PDIA5: variants seen among roughly 807,000 people sequenced by gnomAD.
PDIA5 encodes the protein protein disulfide-isomerase A5.
PDIA5 carries 58 observed loss-of-function variants against 77.6 expected under a neutral mutation model. The ratio of observed to expected loss-of-function variants is 0.75; its 90% CI spans 0.61 to 0.93. PDIA5 has a LOEUF of 0.93. PDIA5 is among the 40% of genes least tolerant of loss of function. The pLI is 0.00. For synonymous variants in PDIA5, 250 were observed against 252.1 expected (o/e 0.99, Z 0.08); for missense variants, 630 against 647.7 (o/e 0.97, Z 0.30).
chr3:123,127,137 T>G (rs1246528523), intron 10 of PDIA5, among the ~76,000 whole-genome samples: 1 of 152,208 alleles, frequency 6.6e-6, no homozygotes, highest in African/African-American at 2.4e-5. Context: ...TGCTTAGAGT[T>G]GCATCTTCTC....
intron 15 of PDIA5, among the ~76,000 whole-genome samples, chr3:123,160,790 T>C (rs1936141331): frequency 6.6e-6 from 1 of 152,186 alleles, no homozygotes; most frequent in Admixed American, 6.5e-5. Context: ...CTAGATACTA[T>C]TATTATCCCC....
intron 1 of PDIA5, among the ~76,000 whole-genome samples, chr3:123,082,626 C>A (rs11916392): frequency 6.6e-6 from 1 of 151,924 alleles, no homozygotes; most frequent in African/African-American, 2.4e-5. Flanking sequence ...CAGGCAGGGC[C>A]CCTGGAGAGG....
chr3:123,072,912 CTG>C (rs66567660), intron 1 of PDIA5, among the ~76,000 whole-genome samples: 52,821 of 146,662 alleles, frequency 0.36, 9,315 homozygotes, highest in South Asian at 0.52. Flanking sequence ...ACCTCTCCTT[CTG>C]TGTGTGTGTG....
At chr3:123,119,729 A>C (rs968625846) in intron 8 of PDIA5, among the ~76,000 whole-genome samples, 1 of 152,192 alleles carries the variant, frequency 6.6e-6, no homozygotes, top group Non-Finnish European at 1.5e-5. Flanking sequence ...ATGGGCTGCT[A>C]TTCCCCAGAA....
chr3:123,107,267 T>A (rs141898020), intron 6 of PDIA5, among the ~76,000 whole-genome samples: 93 of 152,230 alleles, frequency 6.1e-4, no homozygotes, highest in Non-Finnish European at 1.1e-3. Flanking sequence ...ATCTCTACAA[T>A]TCTGGGTCAT....
chr3:123,094,838 T>G (rs547241878), intron 3 of PDIA5, among the ~76,000 whole-genome samples: 25 of 152,300 alleles, frequency 1.6e-4, no homozygotes, highest in Non-Finnish European at 3.1e-4. Flanking sequence ...CAGCTCTACT[T>G]CCTTCCCTGC....
At chr3:123,079,621 T>G (rs929949678) in intron 1 of PDIA5, among the ~76,000 whole-genome samples, 2 of 152,200 alleles carry the variant, frequency 1.3e-5, no homozygotes, top group African/African-American at 4.8e-5. Flanking sequence ...CTCTTATGGT[T>G]AGAATGGTTG....
intron 5 of PDIA5, among the ~76,000 whole-genome samples, chr3:123,103,427 C>T (rs558844464): frequency 2.4e-4 from 36 of 152,318 alleles, no homozygotes; most frequent in Middle Eastern, 3.4e-3. Context: ...TTTTCTGGTC[C>T]TGCGCTGGCT....
chr3:123,104,224 G>A (rs1447097570), intron 5 of PDIA5, among the ~76,000 whole-genome samples: 1 of 152,168 alleles, frequency 6.6e-6, no homozygotes, highest in Non-Finnish European at 1.5e-5. Context: ...TACGGGGCCA[G>A]AGTCTTCAGT....
At chr3:123,086,084 G>A (rs1014196978) in intron 1 of PDIA5, among the ~76,000 whole-genome samples, 4 of 152,166 alleles carry the variant, frequency 2.6e-5, no homozygotes, top group African/African-American at 9.7e-5. Flanking sequence ...CTTCCTCCTG[G>A]ATGGGTTTAC....
chr3:123,126,534 C>A (rs771341914), intron 10 of PDIA5, among the ~76,000 whole-genome samples: 2 of 152,178 alleles, frequency 1.3e-5, no homozygotes, highest in African/African-American at 2.4e-5. Context: ...CACCCTATTA[C>A]CCAAAGATAG....
intron 11 of PDIA5, among the ~76,000 whole-genome samples, chr3:123,139,892 T>G: frequency 6.6e-6 from 1 of 152,198 alleles, no homozygotes; most frequent in East Asian, 1.9e-4. Flanking sequence ...AGCCCCTGCC[T>G]GCACATACAG....
chr3:123,125,217 T>C (rs181497133), intron 10 of PDIA5, among the ~76,000 whole-genome samples: 90 of 152,348 alleles, frequency 5.9e-4, no homozygotes, highest in African/African-American at 2.0e-3. Context: ...CACTGCTGCT[T>C]CATGAGTATT....
chr3:123,108,363 C>T (rs1292981577), intron 6 of PDIA5, among the ~76,000 whole-genome samples: 1 of 150,578 alleles, frequency 6.6e-6, no homozygotes, highest in East Asian at 2.0e-4. Context: ...TCACTGCAGC[C>T]TCTGCCTCTG....
At chr3:123,160,362 G>A (rs1394827396) in intron 15 of PDIA5, among the ~76,000 whole-genome samples, 1 of 152,238 alleles carries the variant, frequency 6.6e-6, no homozygotes, top group Non-Finnish European at 1.5e-5. Flanking sequence ...TACCCAGCAT[G>A]TGGAATTTGC....
chr3:123,068,105 G>A (rs1030787346), intron 1 of PDIA5, among the ~76,000 whole-genome samples: 2 of 152,066 alleles, frequency 1.3e-5, no homozygotes, highest in African/African-American at 4.8e-5. Context: ...GAGATATTGT[G>A]GCCTCCTTCC....
intron 1 of PDIA5, among the ~76,000 whole-genome samples, chr3:123,083,414 C>T (rs1396545086): frequency 6.6e-6 from 1 of 152,156 alleles, no homozygotes; most frequent in East Asian, 1.9e-4. Flanking sequence ...TGGGTCTCAG[C>T]CCAGCCAGCG....
chr3:123,094,447 C>T (rs1934381559), intron 3 of PDIA5, among the ~76,000 whole-genome samples: 1 of 152,228 alleles, frequency 6.6e-6, no homozygotes, highest in African/African-American at 2.4e-5. Context: ...TCACGAACCA[C>T]TGTTAGAAAA....
chr3:123,156,472 A>G (rs1348828315), intron 15 of PDIA5, among the ~76,000 whole-genome samples: 1 of 152,020 alleles, frequency 6.6e-6, no homozygotes, highest in African/African-American at 2.4e-5. Context: ...CATTGTTCCC[A>G]CCCACTTGTG....
Sources: allele counts gnomAD v4.1 joint callset (sites outside exome capture counted in the v4.1 genomes callset), GRCh38; gene constraint gnomAD v4.1.1; transcripts MANE v1.5; gene names NCBI Gene and HGNC (gene_info 2026-07-23, HGNC 2026-07-21).